MEF2C: variants seen among roughly 807,000 people sequenced by gnomAD.
MEF2C encodes the protein myocyte enhancer factor 2C.
In MEF2C, 6 loss-of-function variants were observed where a neutral mutation model predicts 50.5. The observed-to-expected ratio is 0.12, with a 90% CI of 0.07 to 0.23. The LOEUF is 0.23. Among genes scored for constraint, MEF2C ranks in the 10% least tolerant of loss-of-function variants. The pLI, the probability that MEF2C is intolerant of heterozygous loss-of-function variation, is 1.00. For synonymous variants in MEF2C, 183 were observed against 228.0 expected (o/e 0.80, Z 1.78); for missense variants, 276 against 605.0 (o/e 0.46, Z 5.70).
chr5:88,780,170 A>C (rs1334001350), intron 3 of MEF2C, among the ~76,000 whole-genome samples: 1 of 152,104 alleles, frequency 6.6e-6, no homozygotes, highest in Non-Finnish European at 1.5e-5. Flanking sequence ...AAAAGAAAAA[A>C]GAAAAAACGA....
chr5:88,792,640 AT>A (rs1157906909), intron 3 of MEF2C, among the ~76,000 whole-genome samples: 2 of 152,136 alleles, frequency 1.3e-5, no homozygotes, highest in Non-Finnish European at 2.9e-5. Flanking sequence ...TCCCTGTTTA[AT>A]TCAGTAGCCA....
chr5:88,824,426 G>T, intron 1 of MEF2C: 1 of 841,526 alleles, frequency 1.2e-6, no homozygotes, highest in Non-Finnish European at 1.4e-6. Flanking sequence ...TTATGAAAGT[G>T]CTATTTGATA....
At chr5:88,753,593 G>A (rs1242757171) in intron 4 of MEF2C, among the ~76,000 whole-genome samples, 1 of 152,094 alleles carries the variant, frequency 6.6e-6, no homozygotes, top group Non-Finnish European at 1.5e-5. Context: ...GTTTTGCCAT[G>A]TTGCCCAGGC....
At chr5:88,732,343 A>C (rs1762064209) in intron 6 of MEF2C, 1 of 154,418 alleles carries the variant, frequency 6.5e-6, no homozygotes, top group African/African-American at 2.4e-5. Flanking sequence ...GAAAGGGCAT[A>C]CCAGCAAGAC....
chr5:88,890,065 G>T (rs1323646760), intron 1 of MEF2C, among the ~76,000 whole-genome samples: 1 of 152,132 alleles, frequency 6.6e-6, no homozygotes, highest in Admixed American at 6.5e-5. Context: ...AGACCAATAG[G>T]AAAGAACACG....
At chr5:88,850,431 C>A (rs929015608) in intron 1 of MEF2C, among the ~76,000 whole-genome samples, 1 of 152,158 alleles carries the variant, frequency 6.6e-6, no homozygotes, top group Non-Finnish European at 1.5e-5. Context: ...CTGACTCCAG[C>A]ATCTGCTTTT....
chr5:88,843,605 G>T, intron 1 of MEF2C: 2 of 293,560 alleles, frequency 6.8e-6, no homozygotes, highest in Non-Finnish European at 1.0e-5. Context: ...TAATATATAT[G>T]TTTCTTCTAT....
intron 1 of MEF2C, chr5:88,839,368 T>C (rs1372750805): frequency 1.3e-5 from 2 of 151,994 alleles, no homozygotes; most frequent in Non-Finnish European, 2.9e-5. Flanking sequence ...TATCTATCTC[T>C]ACCTACCTAC....
intron 6 of MEF2C, chr5:88,739,035 ATACT>A: frequency 4.1e-6 from 4 of 981,780 alleles, no homozygotes; most frequent in Non-Finnish European, 4.8e-6. Context: ...CCCCTGTAAT[ATACT>A]TAAATGGTAA....
chr5:88,828,338 A>G (rs1425347531), intron 1 of MEF2C, among the ~76,000 whole-genome samples: 2 of 152,052 alleles, frequency 1.3e-5, no homozygotes, highest in East Asian at 1.9e-4. Context: ...CACTTAAATA[A>G]AAACAGCCTA....
intron 1 of MEF2C, among the ~76,000 whole-genome samples, chr5:88,878,993 A>T (rs527484550): frequency 1.3e-5 from 2 of 152,186 alleles, no homozygotes; most frequent in Admixed American, 6.5e-5. Flanking sequence ...GTCAAAGAAA[A>T]CCTGCAAGTG....
At chr5:88,830,460 A>T (rs1384745924) in intron 1 of MEF2C, among the ~76,000 whole-genome samples, 1 of 152,078 alleles carries the variant, frequency 6.6e-6, no homozygotes, top group Non-Finnish European at 1.5e-5. Flanking sequence ...ACATACCTTT[A>T]TACAATTGTA....
At chr5:88,873,660 A>C (rs983191192) in intron 1 of MEF2C, among the ~76,000 whole-genome samples, 3 of 148,938 alleles carry the variant, frequency 2.0e-5, no homozygotes. Flanking sequence ...ATTAATGGGT[A>C]CTGAGTATCT....
At chr5:88,883,607 G>A (rs1057047899), upstream of MEF2C, 1 of 152,296 alleles carries the variant, frequency 6.6e-6, no homozygotes, top group Non-Finnish European at 1.5e-5. Flanking sequence ...CCGATGAAAT[G>A]TCTTTTGCCT....
intron 2 of MEF2C, among the ~76,000 whole-genome samples, chr5:88,821,330 C>A (rs1165958750): frequency 6.6e-6 from 1 of 151,958 alleles, no homozygotes; most frequent in African/African-American, 2.4e-5. Context: ...GTAGTAGTAA[C>A]ATGATCACGG....
At chr5:88,771,677 C>G (rs1782477174) in intron 3 of MEF2C, 1 of 898,972 alleles carries the variant, frequency 1.1e-6, no homozygotes, top group Admixed American at 6.2e-5. Context: ...AGCAAACAAA[C>G]TTGACAGTCA....
chr5:88,735,891 T>G, intron 6 of MEF2C: 1 of 985,398 alleles, frequency 1.0e-6, no homozygotes, highest in Non-Finnish European at 1.2e-6. Context: ...CTTTCTTTTA[T>G]TTGGATGTTT....
intron 1 of MEF2C, among the ~76,000 whole-genome samples, chr5:88,858,463 C>T (rs1238562811): frequency 1.3e-5 from 2 of 152,200 alleles, no homozygotes; most frequent in Non-Finnish European, 2.9e-5. Context: ...TAGTTGGTGA[C>T]CATAGGCAAC....
chr5:88,744,335 C>T (rs1194209417), intron 6 of MEF2C, among the ~76,000 whole-genome samples: 4 of 152,222 alleles, frequency 2.6e-5, no homozygotes, highest in Non-Finnish European at 5.9e-5. Flanking sequence ...GGGCGGATTG[C>T]CTGAGCTCAG....
Sources: gnomAD v4.1 joint callset for allele counts (sites outside exome capture counted in the v4.1 genomes callset) on GRCh38, gnomAD v4.1.1 for gene constraint, MANE v1.5 for transcripts, NCBI Gene and HGNC (gene_info 2026-07-23, HGNC 2026-07-21) for gene names.